Variants in DMXL1 observed in about 807,000 individuals in gnomAD.
DMXL1 encodes the protein dmX-like protein 1.
In DMXL1, 99 loss-of-function variants were observed where a neutral mutation model predicts 319.2. That is an observed-to-expected ratio of 0.31 (90% CI 0.26 to 0.37). The LOEUF (loss-of-function observed/expected upper bound fraction) is 0.37. DMXL1 is among the 10% of genes least tolerant of loss of function. The pLI is 1.00. For synonymous variants in DMXL1, 1,385 were observed against 1,235.2 expected (o/e 1.12, Z -2.54); for missense variants, 3,745 against 3,595.6 (o/e 1.04, Z -1.06).
chr5:119,213,654 T>A, intron 34 of DMXL1, among the ~76,000 whole-genome samples: 1 of 152,150 alleles, frequency 6.6e-6, no homozygotes, highest in East Asian at 1.9e-4. Flanking sequence ...AAATAAAACA[T>A]TATCAATTCA....
At chr5:119,090,535 T>C (rs1466056336) in intron 1 of DMXL1, among the ~76,000 whole-genome samples, 1 of 151,666 alleles carries the variant, frequency 6.6e-6, no homozygotes, top group Non-Finnish European at 1.5e-5. Flanking sequence ...TTCATTACTT[T>C]TCTTTTTTGT....
At position 119,089,292 on chromosome 5, in the gene DMXL1, A is replaced by ATATATATATAT. The variant is rs1193170456; in HGVS notation, c.88-8686_88-8685insATATATATATT. 2.3e-4 allele frequency among the ~76,000 whole-genome samples: 9 copies of ATATATATATAT among 39,884 alleles called. 1 individual carries two copies. Among genetic ancestry groups the ATATATATATAT allele is most frequent in the Non-Finnish European group, 4.1e-4 (9 of 22,098 alleles). The allele number at this position is 39,884 out of a possible 152,430, so 26.2% of individuals were successfully genotyped here. ...TATATATATACATATATATATATAT[A>ATATATATATAT]TTTTTTTTTTTTTTTTTTTTTTTTT... On this transcript the variant is annotated intron_variant, in intron 1 of 43. Coordinates refer to ENST00000539542, the MANE Select transcript of DMXL1 (RefSeq NM_001290321.3).
At chr5:119,106,851 G>A (rs796542268) in intron 4 of DMXL1, among the ~76,000 whole-genome samples, 6 of 152,324 alleles carry the variant, frequency 3.9e-5, no homozygotes, top group African/African-American at 1.4e-4. Context: ...GATATGAAAT[G>A]TGTTTAGGCA....
chr5:119,121,081 A>G lies in DMXL1; in HGVS notation c.1044A>G (p.Pro348=). The change falls in exon 9 of 44, where the codon CCA becomes CCG. Residue 348 remains proline (P), a synonymous_variant. Coordinates refer to ENST00000539542, the MANE Select transcript of DMXL1 (RefSeq NM_001290321.3). ...QDPHHVHRNT[P]LHANALCHFH... is the part of the protein sequence containing the mutation. ...CTCATCATGTTCACAGGAACACTCC[A>G]CTGCATGCCAATGCACTTTGCCACT... 6.2e-7 allele frequency: 1 copy of G among 1,612,656 alleles called. No homozygotes were observed. Among genetic ancestry groups the G allele is most frequent in the Non-Finnish European group, 8.5e-7 (1 of 1,179,656 alleles).
In DMXL1 at chr5:119,242,433, A is replaced by G. The variant is rs189374162; in HGVS notation, c.8705-1926A>G. 4.6e-5 allele frequency among the ~76,000 whole-genome samples: 7 copies of G among 152,352 alleles called. No individual in the cohort carries two copies. In the East Asian group the frequency reaches 5.8e-4, roughly 13 times the overall value. The stretch of plus-strand genomic sequence containing the variant: ...CTAACAAAATATGTACAGGGTGTGT[A>G]TGCACAAAACTATAAAAATGATTTA... On this transcript the variant is annotated intron_variant, in intron 42 of 43. Transcript: ENST00000539542.
chr5:119,139,464 G>A (rs1488227160), intron 13 of DMXL1, among the ~76,000 whole-genome samples: 2 of 152,116 alleles, frequency 1.3e-5, no homozygotes, highest in African/African-American at 2.4e-5. Flanking sequence ...GAAAGAAGCC[G>A]GGTTGCCATC....
chr5:119,181,221 A>G (rs534388124), intron 28 of DMXL1, among the ~76,000 whole-genome samples: 13 of 152,190 alleles, frequency 8.5e-5, no homozygotes, highest in Non-Finnish European at 1.3e-4. Flanking sequence ...AACCCCAAGT[A>G]AAAAATAAAG....
chr5:119,162,996 C>G (rs1265971836), intron 19 of DMXL1, among the ~76,000 whole-genome samples: 5 of 152,044 alleles, frequency 3.3e-5, no homozygotes, highest in African/African-American at 1.2e-4. Context: ...TTTACTTTAC[C>G]TAGTAATGCT....
intron 21 of DMXL1, among the ~76,000 whole-genome samples, chr5:119,165,544 C>G (rs1773241626): frequency 6.6e-6 from 1 of 152,132 alleles, no homozygotes; most frequent in African/African-American, 2.4e-5. Flanking sequence ...CATTATGCTC[C>G]TATAAAACAA....
intron 19 of DMXL1, among the ~76,000 whole-genome samples, chr5:119,161,999 C>T (rs1306436521): frequency 6.6e-6 from 1 of 152,186 alleles, no homozygotes; most frequent in Admixed American, 6.5e-5. Flanking sequence ...TGACATTGCC[C>T]ACATTGTTTC....
intron 19 of DMXL1, among the ~76,000 whole-genome samples, chr5:119,162,141 G>A (rs577937365): frequency 3.9e-5 from 6 of 152,252 alleles, no homozygotes; most frequent in Non-Finnish European, 8.8e-5. Flanking sequence ...TGTACCGCAA[G>A]CAAATCAGCT....
At chr5:119,178,529 T>C (rs190667415) in intron 28 of DMXL1, 19 of 815,766 alleles carry the variant, frequency 2.3e-5, no homozygotes, top group Middle Eastern at 6.2e-4. Flanking sequence ...GTAATATTGG[T>C]TTTTGTTCTA....
intron 10 of DMXL1, 122 bp from the exon 11 acceptor site, chr5:119,133,010 C>G: frequency 9.7e-7 from 1 of 1,025,786 alleles, no homozygotes; most frequent in African/African-American, 1.6e-5. Context: ...GGGTACAGAG[C>G]TTCCATGCTC....
At position 119,142,536 on chromosome 5, in the gene DMXL1, AAAG is replaced by A. The variant is rs1403998548; in HGVS notation, c.2377-1303_2377-1301del. On this transcript the variant is annotated intron_variant, in intron 13 of 43. Coordinates refer to ENST00000539542, the MANE Select transcript of DMXL1 (RefSeq NM_001290321.3). The stretch of plus-strand genomic sequence containing the variant: ...AAAAAGTAAAAAAAAAAAAAAAAAA[AAAG>A]ATGCTGATGAGGTTGCAGTGAAAAG... Among the ~76,000 whole-genome samples, 6 of 151,788 alleles carry A rather than the reference AAAG, an allele frequency of 4.0e-5. No homozygotes were observed. In the East Asian group the frequency reaches 7.7e-4, roughly 20 times the overall value.
chr5:119,230,997 T>G lies in DMXL1; in HGVS notation c.8339-2343T>G, dbSNP rs774197669. On this transcript the variant is annotated intron_variant, in intron 38 of 43. Transcript: ENST00000539542. ...CTTTACTATTATTTGTTGAAGACTT[T>G]TAAGATTTCTCATTTGTCTTTTGTA... Among the ~76,000 whole-genome samples the G allele has an allele frequency of 5.9e-5, 9 of 152,226 alleles. No individual in the cohort carries two copies. In the South Asian group the frequency reaches 1.9e-3, roughly 32 times the overall value.
chr5:119,171,584 G>T (rs190976027), intron 24 of DMXL1, among the ~76,000 whole-genome samples, 194 bp from the exon 25 acceptor site: 1 of 151,124 alleles, frequency 6.6e-6, no homozygotes, highest in East Asian at 1.9e-4. Flanking sequence ...TTCCCTCTCT[G>T]TGCCCCTAAA....
At chr5:119,097,890 T>A in intron 1 of DMXL1, 89 bp from the exon 2 acceptor site, 1 of 1,168,804 alleles carries the variant, frequency 8.6e-7, no homozygotes, top group South Asian at 1.5e-5. Context: ...TTATTCTCCC[T>A]GCCTTAAAAC....
At chr5:119,197,147 A>G (rs149654183) in intron 31 of DMXL1, among the ~76,000 whole-genome samples, 24 of 152,300 alleles carry the variant, frequency 1.6e-4, no homozygotes, top group Non-Finnish European at 2.8e-4. Flanking sequence ...TTTTAACTTT[A>G]TGTATTGTTT....
chr5:119,105,250 A>G lies in DMXL1; in HGVS notation c.356A>G (p.Asp119Gly). 1 of 1,611,578 alleles carries G rather than the reference A, an allele frequency of 6.2e-7. No individual in the cohort carries two copies. The highest frequency in any genetic ancestry group is 8.5e-7 in the Non-Finnish European group (1 of 1,177,988). Residue 119 changes from aspartate to glycine, a missense_variant, in exon 4 of 44, where the codon GAT becomes GGT. Physicochemically the swap from Asp to Gly is moderately conservative, Grantham distance 94 (BLOSUM62 -1). Coordinates refer to ENST00000539542, the MANE Select transcript of DMXL1 (RefSeq NM_001290321.3). ...LESIAHNITW[D>G]PTGSRLLTGS... ...TCAATAGCACACAATATAACCTGGG[A>G]TCCCACAGGTAAGAAAATAAGCAGG...
Sources: gnomAD v4.1 joint callset for allele counts (sites outside exome capture counted in the v4.1 genomes callset) on GRCh38, gnomAD v4.1.1 for gene constraint, MANE v1.5 for transcripts, NCBI Gene and HGNC (gene_info 2026-07-23, HGNC 2026-07-21) for gene names.